Variants in TSNAXIP1 observed in about 807,000 individuals in gnomAD.
The protein encoded by TSNAXIP1 is translin-associated factor X-interacting protein 1.
Under a neutral mutation model 84.8 loss-of-function variants are expected in TSNAXIP1, and 89 were observed. The observed-to-expected ratio is 1.05, with a 90% CI of 0.88 to 1.25. The LOEUF (loss-of-function observed/expected upper bound fraction) is 1.25, where lower values mean the gene tolerates loss of function less well. Among genes scored for constraint, TSNAXIP1 ranks in the 50% most tolerant of loss-of-function variants. The probability of loss-of-function intolerance (pLI) is 0.00; values close to 1 mark genes in which losing one functional copy is unlikely to be tolerated. For synonymous variants in TSNAXIP1, 347 were observed against 335.2 expected (o/e 1.04, Z -0.39); for missense variants, 874 against 887.6 (o/e 0.98, Z 0.20).
At chr16:67,814,925 T>C (rs1450422673) in intron 2 of TSNAXIP1, among the ~76,000 whole-genome samples, 2 of 152,160 alleles carry the variant, frequency 1.3e-5, no homozygotes, top group African/African-American at 4.8e-5. Flanking sequence ...GTCTCTACCA[T>C]GTTCACTCCG....
rs563107518 is a variant in TSNAXIP1 at position 67,808,221 on chromosome 16, A to C, written c.47+1025A>C. On this transcript the variant is annotated intron_variant, in intron 1 of 15. Coordinates refer to ENST00000561639, the MANE Select transcript of TSNAXIP1 (RefSeq NM_001288990.3). The stretch of plus-strand genomic sequence containing the variant: ...TTCCCAGTGGGGGAAAAAAAAAAAA[A>C]CACCACCCAATCCCACCTAAACTCT... Among the ~76,000 whole-genome samples the C allele has an allele frequency of 3.8e-3, 573 of 151,710 alleles. 3 individuals carry two copies. The highest frequency in any genetic ancestry group is 7.2e-3 in the Admixed American group (109 of 15,224).
At chr16:67,813,983 A>C (rs749360929) in intron 1 of TSNAXIP1, among the ~76,000 whole-genome samples, 2 of 152,158 alleles carry the variant, frequency 1.3e-5, no homozygotes, top group Non-Finnish European at 2.9e-5. Flanking sequence ...AGTTGTGTAC[A>C]TGAAACCAAT....
In TSNAXIP1 at chr16:67,825,789, A is replaced by G. The variant is rs1255049718; in HGVS notation, c.937A>G (p.Arg313Gly). The change falls in exon 8 of 16, where the codon AGG becomes GGG. Residue 313 changes from arginine to glycine, a missense_variant. Arg to Gly is a moderately radical substitution (Grantham distance 125). Coordinates refer to ENST00000561639, the MANE Select transcript of TSNAXIP1 (RefSeq NM_001288990.3). ...KANFGDVVPR[R>G]DFEMQEKTNK... ...CAACTTTGGAGATGTGGTCCCCAGG[A>G]GGGACTTTGAAATGCAGGAGAAGAC... is the stretch of plus-strand genomic sequence containing the variant. The G allele has an allele frequency of 6.2e-7, 1 of 1,614,174 alleles. No individual in the cohort carries two copies. The highest frequency in any genetic ancestry group is 8.5e-7 in the Non-Finnish European group (1 of 1,180,034).
rs113573401 is a variant in TSNAXIP1 at position 67,827,393 on chromosome 16, G to A, written c.1791+18G>A. ...TTATGGAGGTGGGTGTGTGGGGTCC[G>A]GGGACTGGCCTGGCCCCTGCCCTAG... On this transcript the variant is annotated intron_variant, in intron 14 of 15. Coordinates refer to ENST00000561639, the MANE Select transcript of TSNAXIP1 (RefSeq NM_001288990.3). 17,765 of 1,613,954 alleles carry A rather than the reference G, an allele frequency of 0.011. 133 individuals carry two copies. The highest frequency in any genetic ancestry group is 0.013 in the Non-Finnish European group (14,784 of 1,179,912).
intron 10 of TSNAXIP1, 53 bp downstream of exon 10, chr16:67,826,335 C>T (rs2057448077): frequency 1.3e-6 from 2 of 1,595,430 alleles, no homozygotes; most frequent in Non-Finnish European, 1.7e-6. Context: ...CAGCCATGCC[C>T]TGCTGCTCAG....
Position 67,815,043 on chromosome 16 carries a change from C to T in TSNAXIP1, c.147+642C>T, listed in dbSNP as rs370130870. Among the ~76,000 whole-genome samples, 25 of 151,598 alleles carry T rather than the reference C, an allele frequency of 1.6e-4. No individual in the cohort carries two copies. The East Asian group carries it at 4.3e-3, about 26-fold the overall frequency. ...TAAATTAAAAAAAAAAAGAGCCGGG[C>T]GCAGTGACTCATGCCTATAATCCCA... On this transcript the variant is annotated intron_variant, in intron 2 of 15. Coordinates refer to ENST00000561639, the MANE Select transcript of TSNAXIP1 (RefSeq NM_001288990.3).
intron 2 of TSNAXIP1, among the ~76,000 whole-genome samples, chr16:67,815,313 C>CAAAA (rs561529036): frequency 8.1e-4 from 40 of 49,432 alleles, no homozygotes; most frequent in Non-Finnish European, 1.2e-3. Context: ...GACTACATCT[C>CAAAA]AAAAAAAAAA....
chr16:67,827,227 G>A, intron 13 of TSNAXIP1, 22 bp from the exon 14 acceptor site: 1 of 1,613,816 alleles, frequency 6.2e-7, no homozygotes, highest in Non-Finnish European at 8.5e-7. Flanking sequence ...GGTCCCTGTT[G>A]GCCCTCATGT....
intron 2 of TSNAXIP1, among the ~76,000 whole-genome samples, chr16:67,818,706 T>C (rs1466059734): frequency 6.7e-6 from 1 of 149,248 alleles, no homozygotes; most frequent in Admixed American, 6.7e-5. Flanking sequence ...CCCCATCCTT[T>C]TTTTTTTTTT....
At chr16:67,822,442 A>G (rs2057137129) in intron 4 of TSNAXIP1, among the ~76,000 whole-genome samples, 1 of 152,064 alleles carries the variant, frequency 6.6e-6, no homozygotes, top group Non-Finnish European at 1.5e-5. Flanking sequence ...GGGCCACTGG[A>G]CATCAGTGAA....
At chr16:67,809,639 T>TA (rs1567734388) in intron 1 of TSNAXIP1, among the ~76,000 whole-genome samples, 91 of 144,002 alleles carry the variant, frequency 6.3e-4, no homozygotes, top group African/African-American at 2.4e-3. Context: ...AAAAAATAAA[T>TA]AAATAAATAA....
rs1162375778 is a variant in TSNAXIP1, at chr16:67,819,815, A to ATTTTTTTTTTT, written c.148-1012_148-1002dup. ...AGCACATGCCACCACACCTGGCTAA[A>ATTTTTTTTTTT]TTTTTTTTTTTTTTTTTTTTTTGAG... On this transcript the variant is annotated intron_variant, in intron 2 of 15. Transcript: ENST00000561639. Among the ~76,000 whole-genome samples the ATTTTTTTTTTT allele has an allele frequency of 9.2e-3, 945 of 102,586 alleles. 52 individuals carry two copies. Among genetic ancestry groups the ATTTTTTTTTTT allele is most frequent in the African/African-American group, 0.033 (775 of 23,786 alleles). The allele number at this position is 102,586 out of a possible 152,430, so 67.3% of individuals were successfully genotyped here.
intron 4 of TSNAXIP1, among the ~76,000 whole-genome samples, chr16:67,821,553 G>A (rs1475163179): frequency 6.6e-6 from 1 of 151,664 alleles, no homozygotes; most frequent in Non-Finnish European, 1.5e-5. Flanking sequence ...CTCCAACCTG[G>A]GCGACAAGAG....
In TSNAXIP1 at chr16:67,825,278, C is replaced by T; in HGVS notation, c.814+6C>T. The stretch of plus-strand genomic sequence containing the variant: ...GTCATTAGCCCAGTCGCCAGGTAAG[C>T]CTGAATTGGGAATCGGGTTTCTCTC... On this transcript the variant is annotated splice_donor_region_variant and intron_variant, in intron 7 of 15. Transcript: ENST00000561639. The T allele has an allele frequency of 6.2e-7, 1 of 1,613,768 alleles. No individual in the cohort carries two copies.
chr16:67,814,503 C>T (rs1287596015), intron 2 of TSNAXIP1, 102 bp downstream of exon 2: 6 of 941,014 alleles, frequency 6.4e-6, no homozygotes, highest in Non-Finnish European at 8.2e-6. Flanking sequence ...AACATGCCCA[C>T]CTGAAACATG....
intron 13 of TSNAXIP1, 42 bp from the exon 14 acceptor site, chr16:67,827,207 G>C: frequency 6.2e-7 from 1 of 1,612,772 alleles, no homozygotes; most frequent in Non-Finnish European, 8.5e-7. Context: ...GGCACAAGCA[G>C]GCCTCAGCAG....
chr16:67,823,252 GA>G (rs2057198108), intron 4 of TSNAXIP1, among the ~76,000 whole-genome samples: 1 of 152,102 alleles, frequency 6.6e-6, no homozygotes, highest in African/African-American at 2.4e-5. Flanking sequence ...GCCCAGTAAA[GA>G]AAAAAACAGT....
At position 67,820,938 on chromosome 16, in the gene TSNAXIP1, CG is replaced by C. The variant is rs761510692; in HGVS notation, c.249del (p.Lys84SerfsTer3). 1 of 1,601,050 alleles carries C rather than the reference CG, an allele frequency of 6.2e-7. No individual in the cohort carries two copies. Among genetic ancestry groups the C allele is most frequent in the East Asian group, 2.2e-5 (1 of 44,832 alleles). ...TCGAAAACCCTGTTCAGATGACTAC[CG>C]GAAGCGAGTAGGGTAAGCCAGGGTC... ...QNRKPCSDDY[R>X]KRVGSCQQHP... On this transcript the variant is annotated frameshift_variant, in exon 3 of 16. Transcript: ENST00000561639. LOFTEE classifies it high-confidence loss of function.
chr16:67,824,734 A>T lies in TSNAXIP1; in HGVS notation c.633A>T (p.Lys211Asn), dbSNP rs746717466. The T allele has an allele frequency of 1.2e-5, 20 of 1,613,950 alleles. No homozygotes were observed. The Admixed American group carries it at 3.3e-4, about 27-fold the overall frequency. Residue 211 changes from lysine to asparagine, a missense_variant, in exon 6 of 16, where the codon AAA becomes AAT. Transcript: ENST00000561639. ...AGAAAGAGAAGATGAACTTGCTAAA[A>T]CTCATCGACAAAAAGAATGAGGAGA... The part of the protein sequence containing the change: ...LLKKEKMNLL[K>N]LIDKKNEEKI...
Sources: allele counts gnomAD v4.1 joint callset (sites outside exome capture counted in the v4.1 genomes callset), GRCh38; gene constraint gnomAD v4.1.1; transcripts MANE v1.5; gene names NCBI Gene and HGNC (gene_info 2026-07-23, HGNC 2026-07-21).